Variants in PXDNL observed in about 807,000 individuals in gnomAD.
The protein encoded by PXDNL is probable oxidoreductase PXDNL.
PXDNL carries 145 observed loss-of-function variants against 150.8 expected under a neutral mutation model. The observed-to-expected ratio is 0.96, with a 90% CI of 0.84 to 1.10. The LOEUF is 1.10. Among genes scored for constraint, PXDNL ranks in the 50% least tolerant of loss-of-function variants. The pLI is 0.00. For missense variants in PXDNL, 2,087 were observed against 1,873.9 expected (o/e 1.11, Z -2.10); for synonymous variants, 757 against 725.7 (o/e 1.04, Z -0.69).
At chr8:51,419,294 A>G (rs1808884586) in intron 14 of PXDNL, among the ~76,000 whole-genome samples, 1 of 152,074 alleles carries the variant, frequency 6.6e-6, no homozygotes, top group African/African-American at 2.4e-5. Context: ...TCACCTTTGC[A>G]TTTTTCACTT....
At chr8:51,612,559 C>T (rs1403024654) in intron 2 of PXDNL, among the ~76,000 whole-genome samples, 2 of 152,104 alleles carry the variant, frequency 1.3e-5, no homozygotes, top group African/African-American at 4.8e-5. Flanking sequence ...ATCCTAACTC[C>T]TAAGGTGATG....
chr8:51,377,747 C>T (rs903011267), intron 17 of PXDNL, among the ~76,000 whole-genome samples: 2 of 152,204 alleles, frequency 1.3e-5, no homozygotes, highest in African/African-American at 2.4e-5. Context: ...CCTCAGCTGC[C>T]TCCCTGCGGG....
chr8:51,680,246 G>A (rs1219783256), intron 1 of PXDNL, among the ~76,000 whole-genome samples: 1 of 152,204 alleles, frequency 6.6e-6, no homozygotes, highest in East Asian at 1.9e-4. Flanking sequence ...GTGCCTGGAT[G>A]TGGGGTGCAT....
At chr8:51,338,084 C>CTATA (rs1805882333) in intron 21 of PXDNL, among the ~76,000 whole-genome samples, 2 of 146,936 alleles carry the variant, frequency 1.4e-5, no homozygotes, top group Non-Finnish European at 3.0e-5. Flanking sequence ...GAGGCTGAGG[C>CTATA]AGGAGAATTA....
intron 1 of PXDNL, among the ~76,000 whole-genome samples, chr8:51,743,748 T>A (rs2036932071): frequency 6.6e-6 from 1 of 152,054 alleles, no homozygotes; most frequent in Non-Finnish European, 1.5e-5. Context: ...ACTCCCGACC[T>A]CAAGCAATCC....
At chr8:51,486,782 ATATATATATATATTTTTTTT>A (rs1810762626) in intron 5 of PXDNL, among the ~76,000 whole-genome samples, 1 of 21,418 alleles carries the variant, frequency 4.7e-5, no homozygotes, top group Non-Finnish European at 7.6e-5. Context: ...ATATATATAT[ATATATATATATATTTTTTTT>A]TTTTTTTTTT....
intron 1 of PXDNL, among the ~76,000 whole-genome samples, chr8:51,685,896 A>G (rs76013705): frequency 0.084 from 12,723 of 152,310 alleles, 1,011 homozygotes; most frequent in African/African-American, 0.21. Context: ...GTGTACCCAC[A>G]GCAACAAATA....
Position 51,319,785 on chromosome 8 carries a change from A to G in PXDNL, c.*106T>C. On this transcript the variant is annotated 3_prime_UTR_variant, in exon 23 of 23. Transcript: ENST00000356297. ...TTAGATGAACTAAGTTGCTTAAGTC[A>G]GTGGTTTCCATATCAACAATGTGAC... 9.8e-7 allele frequency: 1 copy of G among 1,023,986 alleles called. No individual in the cohort carries two copies. Among genetic ancestry groups the G allele is most frequent in the Non-Finnish European group, 1.3e-6 (1 of 753,358 alleles). 63.4% of individuals were successfully genotyped at this position (1,023,986 alleles called of 1,614,324 possible). A position where few individuals can be genotyped will look rare whatever the true frequency, so the allele number is the denominator to read the frequency against.
intron 3 of PXDNL, among the ~76,000 whole-genome samples, chr8:51,583,486 C>A (rs1259939846): frequency 6.6e-6 from 1 of 152,124 alleles, no homozygotes; most frequent in South Asian, 2.1e-4. Flanking sequence ...GTTGTAATGT[C>A]TCCTCTTCCC....
chr8:51,691,246 T>A (rs1468334483), intron 1 of PXDNL, among the ~76,000 whole-genome samples: 1 of 152,212 alleles, frequency 6.6e-6, no homozygotes, highest in Non-Finnish European at 1.5e-5. Context: ...TCCTTGCCCA[T>A]GCCTATGTCC....
chr8:51,693,116 T>C (rs922073932), intron 1 of PXDNL, among the ~76,000 whole-genome samples: 1 of 152,188 alleles, frequency 6.6e-6, no homozygotes, highest in Admixed American at 6.5e-5. Context: ...GTGATCCTAA[T>C]ACACTCAAAA....
intron 1 of PXDNL, among the ~76,000 whole-genome samples, chr8:51,794,022 C>G (rs552273208): frequency 6.6e-6 from 1 of 151,804 alleles, no homozygotes; most frequent in Non-Finnish European, 1.5e-5. Context: ...CACAATGCAA[C>G]CACAAGTATC....
At chr8:51,404,730 C>T (rs531660105) in intron 17 of PXDNL, among the ~76,000 whole-genome samples, 14 of 152,352 alleles carry the variant, frequency 9.2e-5, no homozygotes, top group African/African-American at 3.4e-4. Flanking sequence ...CTCCAAGTCC[C>T]CACTAGACTC....
At chr8:51,693,674 G>A (rs941670464) in intron 1 of PXDNL, among the ~76,000 whole-genome samples, 1 of 152,132 alleles carries the variant, frequency 6.6e-6, no homozygotes, top group African/African-American at 2.4e-5. Flanking sequence ...GGAGGCTGAG[G>A]TGAAAGGATC....
intron 3 of PXDNL, among the ~76,000 whole-genome samples, chr8:51,578,000 AGG>A (rs753744245): frequency 0.046 from 1,117 of 24,528 alleles, 24 homozygotes; most frequent in South Asian, 0.066. Context: ...AGAAAGAAAG[AGG>A]AAGGAAGGAA....
At chr8:51,509,736 A>ATATG (rs1491475541) in intron 4 of PXDNL, among the ~76,000 whole-genome samples, 16 of 105,580 alleles carry the variant, frequency 1.5e-4, no homozygotes, top group African/African-American at 6.9e-4. Flanking sequence ...ATATATATAC[A>ATATG]TATATACACA....
intron 17 of PXDNL, among the ~76,000 whole-genome samples, chr8:51,379,357 C>G (rs1371488516): frequency 1.3e-5 from 2 of 152,012 alleles, no homozygotes; most frequent in Non-Finnish European, 2.9e-5. Context: ...GAAAATATGT[C>G]TTTTTCAAAA....
intron 20 of PXDNL, among the ~76,000 whole-genome samples, chr8:51,345,533 C>A (rs1806123128): frequency 6.6e-6 from 1 of 152,148 alleles, no homozygotes; most frequent in African/African-American, 2.4e-5. Context: ...CAAAAAGAAT[C>A]TGAAAAATAT....
At chr8:51,761,932 G>A (rs4436115) in intron 1 of PXDNL, among the ~76,000 whole-genome samples, 26,688 of 152,134 alleles carry the variant, frequency 0.18, 2,715 homozygotes, top group Non-Finnish European at 0.22. Context: ...TCTATACTCT[G>A]CAGAGCAACT....
Sources: allele counts gnomAD v4.1 joint callset (sites outside exome capture counted in the v4.1 genomes callset), GRCh38; gene constraint gnomAD v4.1.1; transcripts MANE v1.5; gene names NCBI Gene and HGNC (gene_info 2026-07-23, HGNC 2026-07-21).